Variants in CCDC93 observed in about 807,000 individuals in gnomAD.
The protein encoded by CCDC93 is CCC complex scaffolding subunit CCDC93, also known as coiled-coil domain-containing protein 93.
In CCDC93, 61 loss-of-function variants were observed where a neutral mutation model predicts 108.2. The ratio of observed to expected loss-of-function variants is 0.56; its 90% confidence interval spans 0.46 to 0.70. The LOEUF is 0.70. Among genes scored for constraint, CCDC93 ranks in the 30% least tolerant of loss-of-function variants. CCDC93 has a pLI of 0.00. For synonymous variants in CCDC93, 276 were observed against 260.4 expected (o/e 1.06, Z -0.58); for missense variants, 685 against 764.2 (o/e 0.90, Z 1.22).
intron 12 of CCDC93, among the ~76,000 whole-genome samples, chr2:117,954,369 T>C (rs1679153827): frequency 6.6e-6 from 1 of 152,206 alleles, no homozygotes; most frequent in African/African-American, 2.4e-5. Context: ...CAGATGGATC[T>C]TGGCAGGGAA....
At chr2:117,981,396 T>C (rs1478866336) in intron 7 of CCDC93, among the ~76,000 whole-genome samples, 1 of 152,194 alleles carries the variant, frequency 6.6e-6, no homozygotes, top group Non-Finnish European at 1.5e-5. Context: ...TGCCTCGCTT[T>C]CCTCTTTTCC....
chr2:117,995,387 C>T (rs1251456360), intron 6 of CCDC93, 59 bp downstream of exon 6: 11 of 1,302,200 alleles, frequency 8.4e-6, no homozygotes, highest in Non-Finnish European at 1.2e-5. Context: ...TGTGATTTAA[C>T]AAAGGGCTAT....
chr2:117,963,728 C>T (rs1417239457), intron 11 of CCDC93, among the ~76,000 whole-genome samples: 2 of 152,220 alleles, frequency 1.3e-5, no homozygotes, highest in Non-Finnish European at 1.5e-5. Context: ...AATCCCCATA[C>T]ACTACTGTCA....
intron 7 of CCDC93, among the ~76,000 whole-genome samples, chr2:117,980,438 C>A (rs971412474): frequency 7.2e-5 from 11 of 152,288 alleles, no homozygotes; most frequent in African/African-American, 2.4e-4. Flanking sequence ...AGGGACTTCA[C>A]GGATTTTCCA....
chr2:117,983,630 TTATATATATA>T (rs66879401), intron 7 of CCDC93, among the ~76,000 whole-genome samples: 76 of 98,558 alleles, frequency 7.7e-4, no homozygotes, highest in African/African-American at 2.1e-3. Context: ...CTGCTCAAAA[TTATATATATA>T]TATATATATA....
chr2:117,958,512 G>A (rs1219602192), intron 11 of CCDC93, 31 bp from the exon 12 acceptor site: 1 of 1,271,344 alleles, frequency 7.9e-7, no homozygotes, highest in Non-Finnish European at 1.2e-6. Context: ...AAATCCAAAG[G>A]ATTTAGTTAG....
intron 11 of CCDC93, among the ~76,000 whole-genome samples, chr2:117,964,390 CTTCCT>C (rs1221730465): frequency 6.6e-6 from 1 of 152,140 alleles, no homozygotes; most frequent in Admixed American, 6.5e-5. Flanking sequence ...CTCTCCCTCT[CTTCCT>C]TTCTTCTTTC....
intron 23 of CCDC93, among the ~76,000 whole-genome samples, chr2:117,924,447 G>A (rs1678004160): frequency 6.6e-6 from 1 of 152,248 alleles, no homozygotes; most frequent in South Asian, 2.1e-4. Context: ...ACGTGATGGA[G>A]CTGAAAACCA....
At chr2:117,962,888 T>C (rs1211142203) in intron 11 of CCDC93, among the ~76,000 whole-genome samples, 8 of 152,150 alleles carry the variant, frequency 5.3e-5, no homozygotes, top group African/African-American at 1.4e-4. Flanking sequence ...TAAATCTTGA[T>C]ACAGCTGTAA....
intron 23 of CCDC93, among the ~76,000 whole-genome samples, chr2:117,921,125 C>T (rs1677851716): frequency 2.1e-5 from 3 of 146,222 alleles, no homozygotes; most frequent in Non-Finnish European, 3.0e-5. Flanking sequence ...TGCAGTGAGC[C>T]GAGATTGTGC....
intron 23 of CCDC93, among the ~76,000 whole-genome samples, chr2:117,924,409 A>C (rs1678002092): frequency 6.6e-6 from 1 of 152,254 alleles, no homozygotes; most frequent in South Asian, 2.1e-4. Context: ...GCTAACTAGA[A>C]TAACCAATGC....
rs1677033239 is a variant in CCDC93, at chr2:118,012,040, C to T, written c.42+1914G>A. The stretch of plus-strand genomic sequence containing the variant: ...GAGCTCTTACACAAAGCCCAATAAA[C>T]TTTCAATTTCCGTCCACTATAGTTG... On this transcript the variant is annotated intron_variant, in intron 1 of 23. Coordinates refer to ENST00000376300, the MANE Select transcript of CCDC93 (RefSeq NM_019044.5). Among the ~76,000 whole-genome samples, 3 of 152,186 alleles carry T rather than the reference C, an allele frequency of 2.0e-5. No individual in the cohort carries two copies. The South Asian group carries it at 6.2e-4, about 32-fold the overall frequency.
At chr2:117,976,060 T>C (rs1218602443) in intron 8 of CCDC93, among the ~76,000 whole-genome samples, 2 of 152,102 alleles carry the variant, frequency 1.3e-5, no homozygotes, top group African/African-American at 4.8e-5. Flanking sequence ...ACTTCCAGGG[T>C]CAAAAGAGAG....
At chr2:117,952,207 C>T (rs978801061) in intron 13 of CCDC93, among the ~76,000 whole-genome samples, 166 bp downstream of exon 13, 1 of 151,902 alleles carries the variant, frequency 6.6e-6, no homozygotes, top group African/African-American at 2.4e-5. Flanking sequence ...ACATGGGTCA[C>T]GCACTACCAT....
At chr2:117,938,464 G>C (rs776141244) in intron 20 of CCDC93, among the ~76,000 whole-genome samples, 9 of 151,236 alleles carry the variant, frequency 6.0e-5, no homozygotes, top group Admixed American at 1.3e-4. Context: ...CAGCGCACCA[G>C]CATGGCACAT....
intron 7 of CCDC93, among the ~76,000 whole-genome samples, chr2:117,984,505 T>C (rs893046498): frequency 3.9e-5 from 6 of 152,148 alleles, no homozygotes; most frequent in Non-Finnish European, 7.3e-5. Flanking sequence ...ACAACATATA[T>C]ACAAAAGATC....
intron 22 of CCDC93, among the ~76,000 whole-genome samples, chr2:117,932,527 G>C (rs1182976415): frequency 1.3e-5 from 2 of 152,168 alleles, no homozygotes; most frequent in African/African-American, 4.8e-5. Context: ...TTCAGTTCCT[G>C]AGTCCCAAGA....
intron 11 of CCDC93, among the ~76,000 whole-genome samples, chr2:117,965,784 A>C (rs1679546909): frequency 6.6e-6 from 1 of 152,160 alleles, no homozygotes; most frequent in East Asian, 1.9e-4. Context: ...CACTGCCTGG[A>C]TGCAGATCTA....
intron 13 of CCDC93, chr2:117,950,374 C>T (rs1679014070): frequency 1.0e-6 from 1 of 985,248 alleles, no homozygotes; most frequent in South Asian, 4.7e-5. Context: ...AAACAATCAG[C>T]CTCACACACA....
Sources: allele counts gnomAD v4.1 joint callset (sites outside exome capture counted in the v4.1 genomes callset), GRCh38; gene constraint gnomAD v4.1.1; transcripts MANE v1.5; gene names NCBI Gene and HGNC (gene_info 2026-07-23, HGNC 2026-07-21).